The following CNTNAP3 variants were observed in gnomAD, a reference collection of about 807,000 sequenced individuals.
CNTNAP3 encodes the protein contactin-associated protein-like 3.
In CNTNAP3, 36 loss-of-function variants were observed where a neutral mutation model predicts 92.1. That is an observed-to-expected ratio of 0.39 (90% CI 0.30 to 0.52). The LOEUF (loss-of-function observed/expected upper bound fraction) is 0.52, where lower values mean the gene tolerates loss of function less well. Ranked by LOEUF, CNTNAP3 falls within the 20% of genes least tolerant of loss-of-function variation. The probability of loss-of-function intolerance (pLI) is 0.76; values close to 1 mark genes in which losing one functional copy is unlikely to be tolerated. For missense variants in CNTNAP3, 534 were observed against 1,069.6 expected (o/e 0.50, Z 6.98); for synonymous variants, 232 against 422.3 (o/e 0.55, Z 5.53).
intron 12 of CNTNAP3, among the ~76,000 whole-genome samples, chr9:39,139,420 G>A (rs1471140743): frequency 6.6e-6 from 1 of 152,178 alleles, no homozygotes; most frequent in Admixed American, 6.5e-5. Context: ...GCACATTGCT[G>A]TGCAGGTGGC....
chr9:39,148,682 T>C (rs1821763734), intron 10 of CNTNAP3, among the ~76,000 whole-genome samples: 3 of 152,010 alleles, frequency 2.0e-5, no homozygotes, highest in Admixed American at 6.6e-5. Context: ...CCCGCCACCA[T>C]GCCTGGCTAA....
At chr9:39,142,529 AG>A (rs1424965479) in intron 11 of CNTNAP3, among the ~76,000 whole-genome samples, 1 of 151,858 alleles carries the variant, frequency 6.6e-6, no homozygotes, top group Non-Finnish European at 1.5e-5. Flanking sequence ...AAAATTAGCC[AG>A]GTGTGGTGGT....
At chr9:39,077,583 C>CA (rs1168155477) in intron 23 of CNTNAP3, among the ~76,000 whole-genome samples, 1 of 92,266 alleles carries the variant, frequency 1.1e-5, no homozygotes, top group African/African-American at 5.1e-5. Flanking sequence ...AACAAACAAA[C>CA]AAACAAACAA....
chr9:39,078,983 C>G lies in CNTNAP3; in HGVS notation c.3443-63G>C, dbSNP rs1463195560. 4.2e-6 allele frequency: 6 copies of G among 1,424,042 alleles called. No homozygotes were observed. The African/African-American group carries it at 9.0e-5, about 21-fold the overall frequency. The allele number at this position is 1,424,042 out of a possible 1,614,324, so 88.2% of individuals were successfully genotyped here. A position where few individuals can be genotyped will look rare whatever the true frequency, so the allele number is the denominator to read the frequency against. Reference sequence around the variant, plus strand: ...GGCGGAGATGGGGGCGCAGGCACACCCCGCATCTGCAAGACAGCGACCCTC... The same window carrying G: ...GGCGGAGATGGGGGCGCAGGCACACGCCGCATCTGCAAGACAGCGACCCTC... On this transcript the variant is annotated intron_variant, in intron 21 of 23. Coordinates refer to ENST00000297668, the MANE Select transcript of CNTNAP3 (RefSeq NM_033655.5).
chr9:39,105,966 GCAC>G (rs1171208574), intron 15 of CNTNAP3, among the ~76,000 whole-genome samples: 1 of 151,758 alleles, frequency 6.6e-6, no homozygotes, highest in East Asian at 1.9e-4. Flanking sequence ...TTTTAACCCA[GCAC>G]CACAGGGTTC....
At chr9:39,116,679 AAG>A (rs1468809593) in intron 14 of CNTNAP3, among the ~76,000 whole-genome samples, 1 of 152,172 alleles carries the variant, frequency 6.6e-6, no homozygotes, top group African/African-American at 2.4e-5. Context: ...AATATTCAAA[AAG>A]AGTGTCTCAT....
intron 11 of CNTNAP3, among the ~76,000 whole-genome samples, chr9:39,142,918 A>G (rs905486807): frequency 3.3e-5 from 5 of 151,912 alleles, no homozygotes; most frequent in African/African-American, 1.2e-4. Context: ...CTCACGGAAG[A>G]GTTCTTAAAA....
At chr9:39,119,990 T>C (rs1820970511) in intron 13 of CNTNAP3, among the ~76,000 whole-genome samples, 1 of 151,968 alleles carries the variant, frequency 6.6e-6, no homozygotes, top group Non-Finnish European at 1.5e-5. Flanking sequence ...GACAATATCA[T>C]CCGAATCTCA....
At chr9:39,131,709 T>G (rs2118041207) in intron 13 of CNTNAP3, among the ~76,000 whole-genome samples, 1 of 152,300 alleles carries the variant, frequency 6.6e-6, no homozygotes, top group South Asian at 2.1e-4. Context: ...GCCTGTATTC[T>G]CAGCTATTCG....
At chr9:39,120,731 C>A (rs972543918) in intron 13 of CNTNAP3, among the ~76,000 whole-genome samples, 1 of 152,070 alleles carries the variant, frequency 6.6e-6, no homozygotes, top group Non-Finnish European at 1.5e-5. Flanking sequence ...TAATTTGTCG[C>A]TAGCAGACAT....
intron 15 of CNTNAP3, among the ~76,000 whole-genome samples, chr9:39,106,206 T>C (rs894808478): frequency 6.6e-6 from 1 of 152,144 alleles, no homozygotes; most frequent in African/African-American, 2.4e-5. Context: ...GAGATGAAGA[T>C]AAGGAAAGGA....
rs181252300 is a variant in CNTNAP3, at chr9:39,126,013, C to A, written c.2080+6919G>T. ...ACTGAATACTTTAGAATTCAATTAGCGTTGTAGAATATTTTATCTAGACAC... is the reference window on the plus strand; with the variant it reads ...ACTGAATACTTTAGAATTCAATTAGAGTTGTAGAATATTTTATCTAGACAC... On this transcript the variant is annotated intron_variant, in intron 13 of 23. Coordinates refer to ENST00000297668, the MANE Select transcript of CNTNAP3 (RefSeq NM_033655.5). 2.0e-3 allele frequency among the ~76,000 whole-genome samples: 301 copies of A among 152,258 alleles called. 3 individuals are homozygous for A. The highest frequency in any genetic ancestry group is 6.8e-3 in the Admixed American group (104 of 15,284).
intron 11 of CNTNAP3, among the ~76,000 whole-genome samples, chr9:39,142,099 C>T (rs569911083): frequency 8.0e-4 from 122 of 152,212 alleles, no homozygotes; most frequent in African/African-American, 2.8e-3. Context: ...TATTTTCCCT[C>T]AGAAGTTTTT....
In CNTNAP3 at chr9:39,085,805, T is replaced by A; in HGVS notation, c.3373A>T (p.Lys1125Ter). ...VMVEVNQSTKKQVILSSGTEF... is the reference protein window; with the variant it reads ...VMVEVNQSTK Reference sequence around the variant, plus strand: ...GTCCCTGAGGACAAGATGACTTGTTTCTTTGTGCTCTGGTTAACCTATTAG... The same window carrying A: ...GTCCCTGAGGACAAGATGACTTGTTACTTTGTGCTCTGGTTAACCTATTAG... Residue 1125 changes from lysine to a stop codon, truncating the protein, a stop_gained, in exon 21 of 24, where the codon AAA becomes TAA. Coordinates refer to ENST00000297668, the MANE Select transcript of CNTNAP3 (RefSeq NM_033655.5). LOFTEE classifies it high-confidence loss of function. 6.4e-7 allele frequency: 1 copy of A among 1,555,818 alleles called. No homozygotes were observed. Among genetic ancestry groups the A allele is most frequent in the Non-Finnish European group, 8.8e-7 (1 of 1,138,408 alleles).
intron 13 of CNTNAP3, among the ~76,000 whole-genome samples, chr9:39,131,883 G>T (rs1246477893): frequency 6.6e-6 from 1 of 150,412 alleles, no homozygotes; most frequent in Non-Finnish European, 1.5e-5. Context: ...ATTAGGGAAG[G>T]CAATGCAGGT....
chr9:39,096,848 G>A (rs537845699), intron 18 of CNTNAP3, among the ~76,000 whole-genome samples: 19 of 149,882 alleles, frequency 1.3e-4, no homozygotes, highest in Admixed American at 1.3e-3. Context: ...AATAAGATGT[G>A]TCTGGATATA....
rs373198139 is a variant in CNTNAP3, at chr9:39,125,504, T to C, written c.2081-7245A>G. On this transcript the variant is annotated intron_variant, in intron 13 of 23. Transcript: ENST00000297668. The stretch of plus-strand genomic sequence containing the variant: ...CACATGTACCCTAGAAATTAAGGTA[T>C]GATAATAATAAAATAAAAGACTGAG... 5.9e-4 allele frequency among the ~76,000 whole-genome samples: 90 copies of C among 152,146 alleles called. 2 individuals carry two copies. The East Asian group carries it at 0.016, about 27-fold the overall frequency.
chr9:39,109,133 A>T, intron 15 of CNTNAP3, 27 bp downstream of exon 15: 1 of 1,597,780 alleles, frequency 6.3e-7, no homozygotes, highest in Non-Finnish European at 8.5e-7. Context: ...TATTATGAAA[A>T]TAAAGCTTTT....
chr9:39,096,248 C>T (rs2778233), intron 18 of CNTNAP3, among the ~76,000 whole-genome samples: 11 of 137,780 alleles, frequency 8.0e-5, no homozygotes, highest in Non-Finnish European at 1.4e-4. Flanking sequence ...GCACACTTAC[C>T]TTTATTAGTG....
Sources: allele counts gnomAD v4.1 joint callset (sites outside exome capture counted in the v4.1 genomes callset), GRCh38; gene constraint gnomAD v4.1.1; transcripts MANE v1.5; gene names NCBI Gene and HGNC (gene_info 2026-07-23, HGNC 2026-07-21).